The following SYT9 variants were observed in gnomAD, a reference collection of about 807,000 sequenced individuals.
The protein encoded by SYT9 is synaptotagmin-9.
In SYT9, 22 loss-of-function variants were observed where a neutral mutation model predicts 48.4. The observed-to-expected ratio is 0.45, with a 90% confidence interval of 0.32 to 0.65. SYT9 has a LOEUF of 0.65. Among genes scored for constraint, SYT9 ranks in the 30% least tolerant of loss-of-function variants. The pLI, the probability that SYT9 is intolerant of heterozygous loss-of-function variation, is 0.03. For synonymous variants in SYT9, 265 were observed against 245.0 expected (o/e 1.08, Z -0.76); for missense variants, 577 against 622.0 (o/e 0.93, Z 0.77).
intron 4 of SYT9, 42 bp downstream of exon 4, chr11:7,416,204 TG>T: frequency 6.2e-7 from 1 of 1,611,634 alleles, no homozygotes; most frequent in Non-Finnish European, 8.5e-7. Context: ...GCACTTCTAC[TG>T]TAGTAAGTAC....
intron 1 of SYT9, among the ~76,000 whole-genome samples, chr11:7,240,027 C>T (rs914689186): frequency 4.6e-5 from 7 of 152,058 alleles, no homozygotes; most frequent in Admixed American, 3.3e-4. Flanking sequence ...GAAATCCTTA[C>T]GGACAAGGGT....
intron 3 of SYT9, 33 bp downstream of exon 3, chr11:7,313,974 G>T: frequency 6.3e-7 from 1 of 1,583,524 alleles, no homozygotes; most frequent in Non-Finnish European, 8.6e-7. Context: ...TTTGTGGTGG[G>T]GGGCATCTTG....
At chr11:7,261,665 G>C (rs558609110) in intron 1 of SYT9, among the ~76,000 whole-genome samples, 25 of 152,190 alleles carry the variant, frequency 1.6e-4, no homozygotes, top group African/African-American at 6.0e-4. Flanking sequence ...AATGAGTAAA[G>C]GTCAGAAGGA....
intron 1 of SYT9, among the ~76,000 whole-genome samples, chr11:7,268,360 C>A (rs1415541137): frequency 6.6e-6 from 1 of 151,868 alleles, no homozygotes; most frequent in African/African-American, 2.4e-5. Context: ...AAAAACTATA[C>A]TGTGGCATAG....
chr11:7,270,914 A>C (rs978453337), intron 1 of SYT9, among the ~76,000 whole-genome samples: 1 of 151,930 alleles, frequency 6.6e-6, no homozygotes, highest in African/African-American at 2.4e-5. Context: ...GAGTTTTTGC[A>C]GGTAACTGCA....
intron 3 of SYT9, among the ~76,000 whole-genome samples, chr11:7,401,706 G>T (rs1846895996): frequency 6.6e-6 from 1 of 151,474 alleles, no homozygotes; most frequent in Non-Finnish European, 1.5e-5. Context: ...TTATTTTAAT[G>T]TCTATGGTAT....
intron 3 of SYT9, among the ~76,000 whole-genome samples, chr11:7,317,641 A>G (rs1849265357): frequency 6.6e-6 from 1 of 152,206 alleles, no homozygotes; most frequent in Non-Finnish European, 1.5e-5. Flanking sequence ...GTTTCAATAT[A>G]TAAATTGGGA....
intron 3 of SYT9, among the ~76,000 whole-genome samples, chr11:7,363,356 C>T (rs190234978): frequency 5.5e-4 from 84 of 152,268 alleles, no homozygotes; most frequent in African/African-American, 1.9e-3. Context: ...GCTCAGCTTT[C>T]TGACATTAGC....
chr11:7,418,212 C>G (rs529008804), intron 5 of SYT9, 84 bp downstream of exon 5: 1,067 of 1,465,644 alleles, frequency 7.3e-4, no homozygotes, highest in Admixed American at 3.3e-3. Flanking sequence ...GCCACAGATT[C>G]TTACCTGGTG....
intron 6 of SYT9, among the ~76,000 whole-genome samples, chr11:7,450,770 C>T (rs1848032555): frequency 6.6e-6 from 1 of 152,182 alleles, no homozygotes; most frequent in South Asian, 2.1e-4. Flanking sequence ...TTTTCCTTCT[C>T]TTGCCCTCTC....
At position 7,402,242 on chromosome 11, in the gene SYT9, T is replaced by C. The variant is rs149737959; in HGVS notation, c.1045-13800T>C. Reference sequence around the variant, plus strand: ...TTCTTGAGTTTAAGGGCCAAGAATATGGTTTATCTTGGTGGATGTTCAGTA... The same window carrying C: ...TTCTTGAGTTTAAGGGCCAAGAATACGGTTTATCTTGGTGGATGTTCAGTA... On this transcript the variant is annotated intron_variant, in intron 3 of 6. Transcript: ENST00000318881. Among the ~76,000 whole-genome samples, 517 of 152,164 alleles carry C rather than the reference T, an allele frequency of 3.4e-3. 2 individuals carry two copies. Among genetic ancestry groups the C allele is most frequent in the South Asian group, 6.4e-3 (31 of 4,824 alleles).
intron 3 of SYT9, among the ~76,000 whole-genome samples, chr11:7,319,192 C>CTTTTTTTTT (rs71056795): frequency 1.3e-4 from 11 of 86,186 alleles, no homozygotes; most frequent in African/African-American, 4.9e-4. Context: ...TCTTCTTTTT[C>CTTTTTTTTT]TTTTTTTTTT....
In SYT9 at chr11:7,385,541, G is replaced by A. The variant is rs538580128; in HGVS notation, c.1045-30501G>A. Among the ~76,000 whole-genome samples, 64 of 152,118 alleles carry A rather than the reference G, an allele frequency of 4.2e-4. 1 individual carries two copies. The South Asian group carries it at 0.013, about 31-fold the overall frequency. On this transcript the variant is annotated intron_variant, in intron 3 of 6. Transcript: ENST00000318881. Reference sequence around the variant, plus strand: ...AAAGAATCAGATTGAAAAACTGCCTGCTGGGTACTATGCCTATTACCTGGG... The same window carrying A: ...AAAGAATCAGATTGAAAAACTGCCTACTGGGTACTATGCCTATTACCTGGG...
At chr11:7,406,991 G>A (rs1407012834) in intron 3 of SYT9, among the ~76,000 whole-genome samples, 3 of 152,058 alleles carry the variant, frequency 2.0e-5, no homozygotes, top group Non-Finnish European at 2.9e-5. Flanking sequence ...TTGTATGTAT[G>A]TCTTTTCTTG....
At chr11:7,268,668 A>G (rs755874133) in intron 1 of SYT9, among the ~76,000 whole-genome samples, 2 of 152,044 alleles carry the variant, frequency 1.3e-5, no homozygotes, top group African/African-American at 2.4e-5. Context: ...TGTATGCAAC[A>G]TAAGTCACAA....
intron 2 of SYT9, among the ~76,000 whole-genome samples, chr11:7,303,950 G>A (rs1009992599): frequency 1.3e-5 from 2 of 152,208 alleles, no homozygotes; most frequent in African/African-American, 4.8e-5. Flanking sequence ...AAGGCTTACA[G>A]AGTACCGATA....
chr11:7,444,135 A>C (rs994081899), intron 6 of SYT9: 1 of 152,160 alleles, frequency 6.6e-6, no homozygotes, highest in Non-Finnish European at 1.5e-5. Flanking sequence ...CCTGCTCTCT[A>C]ATCCTCAGGG....
At chr11:7,315,366 A>G (rs1281701198) in intron 3 of SYT9, among the ~76,000 whole-genome samples, 1 of 152,248 alleles carries the variant, frequency 6.6e-6, no homozygotes, top group Admixed American at 6.5e-5. Flanking sequence ...GGCTGCTTAT[A>G]CAAAGATACG....
chr11:7,367,236 T>C (rs1426300895), intron 3 of SYT9, among the ~76,000 whole-genome samples: 14 of 124,204 alleles, frequency 1.1e-4, no homozygotes, highest in South Asian at 3.3e-4. Flanking sequence ...CGCCCGCCAC[T>C]ACGCCCGGCT....
Sources: allele counts gnomAD v4.1 joint callset (sites outside exome capture counted in the v4.1 genomes callset), GRCh38; gene constraint gnomAD v4.1.1; transcripts MANE v1.5; gene names NCBI Gene and HGNC (gene_info 2026-07-23, HGNC 2026-07-21).